The following CNTN6 variants were observed in gnomAD, a reference collection of about 807,000 sequenced individuals.
CNTN6 encodes the protein contactin 6, also known as contactin-6.
CNTN6 carries 137 observed loss-of-function variants against 122.8 expected under a neutral mutation model. That is an observed-to-expected ratio of 1.12 (90% confidence interval 0.97 to 1.29). The LOEUF (loss-of-function observed/expected upper bound fraction) is 1.29, where lower values mean the gene tolerates loss of function less well. Among genes scored for constraint, CNTN6 ranks in the 50% most tolerant of loss-of-function variants. The probability of loss-of-function intolerance (pLI) is 0.00; values close to 1 mark genes in which losing one functional copy is unlikely to be tolerated. For synonymous variants in CNTN6, 570 were observed against 426.0 expected (o/e 1.34, Z -4.16); for missense variants, 1,634 against 1,223.4 (o/e 1.34, Z -5.01).
At chr3:1,150,949 A>G (rs2092828485) in intron 2 of CNTN6, among the ~76,000 whole-genome samples, 1 of 152,144 alleles carries the variant, frequency 6.6e-6, no homozygotes, top group Non-Finnish European at 1.5e-5. Flanking sequence ...GGACTGAGGA[A>G]GGGATCATGA....
intron 2 of CNTN6, among the ~76,000 whole-genome samples, chr3:1,198,187 CA>C (rs796350885): frequency 2.6e-5 from 4 of 152,030 alleles, no homozygotes; most frequent in African/African-American, 9.6e-5. Context: ...TAATAAAAAA[CA>C]AACAAAAAAA....
At chr3:1,133,943 G>T (rs141301218) in intron 1 of CNTN6, among the ~76,000 whole-genome samples, 2 of 152,204 alleles carry the variant, frequency 1.3e-5, no homozygotes, top group East Asian at 3.9e-4. Context: ...TCCCTTCCTG[G>T]ATGTTTTCTC....
intron 1 of CNTN6, among the ~76,000 whole-genome samples, chr3:1,120,052 C>T (rs180851416): frequency 1.3e-5 from 2 of 152,010 alleles, no homozygotes; most frequent in African/African-American, 2.4e-5. Flanking sequence ...TTACACAAAT[C>T]ACTACCTTTT....
At chr3:1,112,758 A>G (rs1382748223) in intron 1 of CNTN6, among the ~76,000 whole-genome samples, 1 of 152,156 alleles carries the variant, frequency 6.6e-6, no homozygotes, top group East Asian at 1.9e-4. Context: ...AAAATTAACC[A>G]TCACAGACAC....
At chr3:1,197,901 C>T (rs1243382025) in intron 2 of CNTN6, among the ~76,000 whole-genome samples, 1 of 152,060 alleles carries the variant, frequency 6.6e-6, no homozygotes, top group Non-Finnish European at 1.5e-5. Flanking sequence ...AGCATCCTAT[C>T]CCCCCTAACT....
At chr3:1,391,980 C>G (rs1694221220) in intron 20 of CNTN6, among the ~76,000 whole-genome samples, 2 of 152,136 alleles carry the variant, frequency 1.3e-5, no homozygotes, top group African/African-American at 4.8e-5. Flanking sequence ...GCCATACTGC[C>G]CAAGGTAATT....
intron 2 of CNTN6, among the ~76,000 whole-genome samples, chr3:1,192,698 CCACA>C (rs142889494): frequency 9.3e-5 from 14 of 150,582 alleles, no homozygotes; most frequent in Admixed American, 2.0e-4. Context: ...GCAATGACAA[CCACA>C]CACACACACA....
chr3:1,307,134 A>T (rs922872455), intron 7 of CNTN6, among the ~76,000 whole-genome samples: 1 of 152,170 alleles, frequency 6.6e-6, no homozygotes, highest in African/African-American at 2.4e-5. Flanking sequence ...AATAAGATTG[A>T]TGTAACAATG....
At chr3:1,399,417 G>A (rs905489315) in intron 20 of CNTN6, among the ~76,000 whole-genome samples, 17 of 152,062 alleles carry the variant, frequency 1.1e-4, no homozygotes, top group African/African-American at 3.6e-4. Flanking sequence ...TGACAAGTAC[G>A]TTGTACATTG....
chr3:1,390,958 C>T (rs1576053480), intron 20 of CNTN6, among the ~76,000 whole-genome samples: 1 of 147,336 alleles, frequency 6.8e-6, no homozygotes, highest in East Asian at 2.0e-4. Context: ...GATTCACAGC[C>T]GAATTCTACC....
At chr3:1,373,574 A>T in intron 14 of CNTN6, 30 bp from the exon 15 acceptor site, 1 of 1,605,478 alleles carries the variant, frequency 6.2e-7, no homozygotes, top group Non-Finnish European at 8.5e-7. Flanking sequence ...AGTATCTCCA[A>T]TGGAGTCATG....
chr3:1,400,397 T>C (rs889942567), intron 20 of CNTN6, among the ~76,000 whole-genome samples: 1 of 152,092 alleles, frequency 6.6e-6, no homozygotes, highest in African/African-American at 2.4e-5. Context: ...TTTTCTTGTA[T>C]GTAAAATTCT....
intron 1 of CNTN6, among the ~76,000 whole-genome samples, chr3:1,102,216 T>C (rs1466171775): frequency 6.6e-6 from 1 of 152,206 alleles, no homozygotes; most frequent in Non-Finnish European, 1.5e-5. Context: ...TTTGTATGTC[T>C]AATGTGGTTG....
At position 1,168,784 on chromosome 3, in the gene CNTN6, T is replaced by C. The variant is rs2093306994; in HGVS notation, c.55+20721T>C. Among the ~76,000 whole-genome samples the C allele has an allele frequency of 2.0e-5, 3 of 152,202 alleles. No homozygotes were observed. The South Asian group carries it at 6.2e-4, about 32-fold the overall frequency. Reference sequence around the variant, plus strand: ...CATGTTCTCTCTAAGCACAGAGCAATTTCTAGGCTTAGTGGAGTTAATGAT... The same window carrying C: ...CATGTTCTCTCTAAGCACAGAGCAACTTCTAGGCTTAGTGGAGTTAATGAT... On this transcript the variant is annotated intron_variant, in intron 2 of 22. Coordinates refer to ENST00000446702, the MANE Select transcript of CNTN6 (RefSeq NM_001289080.2).
At chr3:1,132,465 C>T (rs897056737) in intron 1 of CNTN6, among the ~76,000 whole-genome samples, 1 of 151,866 alleles carries the variant, frequency 6.6e-6, no homozygotes, top group African/African-American at 2.4e-5. Context: ...TGGTTGAAGC[C>T]TGTGATCCCA....
In CNTN6 at chr3:1,373,542, T is replaced by TA; in HGVS notation, c.1787-61dup. The TA allele has an allele frequency of 4.6e-6, 7 of 1,521,308 alleles. No homozygotes were observed. In the South Asian group the frequency reaches 8.3e-5, roughly 18 times the overall value. The allele number at this position is 1,521,308 out of a possible 1,614,324, so 94.2% of individuals were successfully genotyped here. ...CACAACAGGTAAAAATAAACCATCC[T>TA]AGTACCAAATTAATGAATGTAAGTA... On this transcript the variant is annotated intron_variant, in intron 14 of 22. Coordinates refer to ENST00000446702, the MANE Select transcript of CNTN6 (RefSeq NM_001289080.2).
intron 2 of CNTN6, among the ~76,000 whole-genome samples, chr3:1,174,900 C>G (rs927902849): frequency 2.0e-5 from 3 of 152,128 alleles, no homozygotes; most frequent in Non-Finnish European, 2.9e-5. Flanking sequence ...CGCGTGTGCA[C>G]ACACAGACAC....
intron 2 of CNTN6, among the ~76,000 whole-genome samples, chr3:1,202,633 C>T (rs2093901433): frequency 6.6e-6 from 1 of 151,832 alleles, no homozygotes; most frequent in Non-Finnish European, 1.5e-5. Flanking sequence ...TGTAACAACT[C>T]AGGGAAACTA....
intron 4 of CNTN6, among the ~76,000 whole-genome samples, chr3:1,244,727 C>T (rs9867484): frequency 8.6e-5 from 13 of 151,646 alleles, no homozygotes; most frequent in South Asian, 4.2e-4. Context: ...AGAGAGTCAG[C>T]GAAGGGAGAT....
Sources: allele counts gnomAD v4.1 joint callset (sites outside exome capture counted in the v4.1 genomes callset), GRCh38; gene constraint gnomAD v4.1.1; transcripts MANE v1.5; gene names NCBI Gene and HGNC (gene_info 2026-07-23, HGNC 2026-07-21).